The following ACKR3 variants were observed in gnomAD, a reference collection of about 807,000 sequenced individuals.
ACKR3 encodes C-X-C chemokine receptor type 7.
In ACKR3, 6 loss-of-function variants were observed where a neutral mutation model predicts 22.4. The ratio of observed to expected loss-of-function variants is 0.27; its 90% CI spans 0.15 to 0.53. The LOEUF (loss-of-function observed/expected upper bound fraction) is 0.53. Among genes scored for constraint, ACKR3 ranks in the 20% least tolerant of loss-of-function variants. The pLI is 0.96. For missense variants in ACKR3, 396 were observed against 475.2 expected (o/e 0.83, Z 1.55); for synonymous variants, 209 against 205.2 (o/e 1.02, Z -0.16).
At chr2:236,575,151 T>C (rs1251093722) in intron 1 of ACKR3, among the ~76,000 whole-genome samples, 2 of 152,122 alleles carry the variant, frequency 1.3e-5, no homozygotes, top group African/African-American at 4.8e-5. Flanking sequence ...GATTGTTCTG[T>C]GGACCATTCC....
Position 236,581,765 on chromosome 2 carries a change from A to C in ACKR3, c.*211A>C, listed in dbSNP as rs1011467622. On this transcript the variant is annotated 3_prime_UTR_variant, in exon 2 of 2. Coordinates refer to ENST00000272928, the MANE Select transcript of ACKR3 (RefSeq NM_020311.3). This position sits in a 1 kb window ranked among gnomAD's most constrained non-coding sequence, Gnocchi z 4.4. The stretch of plus-strand genomic sequence containing the variant: ...GTGCTGACAGTTTTGCAACAGGCAG[A>C]GCTGTGTCGCACAGCAGTGCTGTGC... 1.6e-6 allele frequency: 1 copy of C among 606,516 alleles called. No homozygotes were observed. Among genetic ancestry groups the C allele is most frequent in the Non-Finnish European group, 2.8e-6 (1 of 353,942 alleles). The allele number at this position is 606,516 out of a possible 1,614,324, so 37.6% of individuals were successfully genotyped here.
chr2:236,562,692 G>A, the ACKR3 span, among the ~76,000 whole-genome samples: 1 of 151,796 alleles, frequency 6.6e-6, no homozygotes, highest in East Asian at 1.9e-4. Context: ...GAAATTAAGC[G>A]TCAGCATTTA....
At chr2:236,552,751 GA>G in the ACKR3 span, among the ~76,000 whole-genome samples, 1 of 152,130 alleles carries the variant, frequency 6.6e-6, no homozygotes, top group Admixed American at 6.5e-5. Flanking sequence ...TGTAGCCACT[GA>G]AGGGACAAGG....
the ACKR3 span, among the ~76,000 whole-genome samples, chr2:236,557,172 G>A: frequency 1.3e-5 from 2 of 152,096 alleles, 1 homozygote; most frequent in African/African-American, 4.8e-5. Flanking sequence ...AATGAATTTT[G>A]TATAATGGAT....
Position 236,577,237 on chromosome 2 carries a change from C to T in ACKR3, c.-26-3203C>T, listed in dbSNP as rs1194280036. ...CAGCCCTTGGGCAGCAACAGCCATG[C>T]CCTTGTTGGAAGTTTCCCACTGTGC... On this transcript the variant is annotated intron_variant, in intron 1 of 1. Coordinates refer to ENST00000272928, the MANE Select transcript of ACKR3 (RefSeq NM_020311.3). The surrounding 1 kb of genome is among the most constrained non-coding windows in gnomAD (Gnocchi z 5.6). Among the ~76,000 whole-genome samples, 1 of 152,202 alleles carries T rather than the reference C, an allele frequency of 6.6e-6. No individual in the cohort carries two copies. The highest frequency in any genetic ancestry group is 2.4e-5 in the African/African-American group (1 of 41,448).
the ACKR3 span, among the ~76,000 whole-genome samples, chr2:236,542,594 G>C: frequency 6.6e-6 from 1 of 152,130 alleles, no homozygotes; most frequent in South Asian, 2.1e-4. Context: ...TCCAGGAGAC[G>C]GCGTGGCCAG....
Position 236,577,376 on chromosome 2 carries a change from G to A in ACKR3, c.-26-3064G>A, listed in dbSNP as rs986321852. The stretch of plus-strand genomic sequence containing the variant: ...CCAATGGTCCCTAAATCAAATTTTC[G>A]TCACCCAAAGAGGCAAAGGTAGAAA... On this transcript the variant is annotated intron_variant, in intron 1 of 1. Coordinates refer to ENST00000272928, the MANE Select transcript of ACKR3 (RefSeq NM_020311.3). This position sits in a 1 kb window ranked among gnomAD's most constrained non-coding sequence, Gnocchi z 5.6. Among the ~76,000 whole-genome samples the A allele has an allele frequency of 5.9e-5, 9 of 152,268 alleles. No individual in the cohort carries two copies. Among genetic ancestry groups the A allele is most frequent in the South Asian group, 2.1e-4 (1 of 4,812 alleles).
chr2:236,551,320 G>A, the ACKR3 span, among the ~76,000 whole-genome samples: 2 of 152,188 alleles, frequency 1.3e-5, no homozygotes, highest in Non-Finnish European at 2.9e-5. Context: ...TCAAGCCTCA[G>A]GAGACCCCAC....
At chr2:236,537,252 G>A in the ACKR3 span, among the ~76,000 whole-genome samples, 3 of 152,240 alleles carry the variant, frequency 2.0e-5, no homozygotes, top group Non-Finnish European at 2.9e-5. Flanking sequence ...TGCTGACAGG[G>A]AGAATGGAGG....
At chr2:236,549,140 G>T in the ACKR3 span, among the ~76,000 whole-genome samples, 1 of 152,134 alleles carries the variant, frequency 6.6e-6, no homozygotes, top group Non-Finnish European at 1.5e-5. The surrounding 1 kb of genome is among the most constrained non-coding windows in gnomAD (Gnocchi z 5.3). Context: ...ACAAATTTGA[G>T]CAGAGACACT....
At chr2:236,569,958 C>T (rs950993587) in intron 1 of ACKR3, 34 bp downstream of exon 1, 1 of 152,340 alleles carries the variant, frequency 6.6e-6, no homozygotes, top group Non-Finnish European at 1.5e-5. Context: ...CAGCTCTGCT[C>T]GGAAAGAAGG....
At chr2:236,573,431 C>T (rs1691349333) in intron 1 of ACKR3, among the ~76,000 whole-genome samples, 1 of 152,208 alleles carries the variant, frequency 6.6e-6, no homozygotes, top group Admixed American at 6.5e-5. Flanking sequence ...GCACCATAAC[C>T]CAGTCTCTTC....
At chr2:236,552,902 A>C in the ACKR3 span, among the ~76,000 whole-genome samples, 1 of 152,198 alleles carries the variant, frequency 6.6e-6, no homozygotes, top group African/African-American at 2.4e-5. Flanking sequence ...TCATGTTAGC[A>C]AAGTGTTTGA....
At chr2:236,570,670 C>T (rs886969385) in intron 1 of ACKR3, among the ~76,000 whole-genome samples, 1 of 152,198 alleles carries the variant, frequency 6.6e-6, no homozygotes, top group Non-Finnish European at 1.5e-5. Context: ...TTTAAATATA[C>T]TCTTCAGGTA....
intron 1 of ACKR3, among the ~76,000 whole-genome samples, chr2:236,571,367 G>A (rs530235177): frequency 6.6e-6 from 1 of 152,236 alleles, no homozygotes; most frequent in South Asian, 2.1e-4. Context: ...GGATGGGGGT[G>A]GGAAAGCGAA....
chr2:236,576,920 G>A (rs967761035), intron 1 of ACKR3, among the ~76,000 whole-genome samples: 1 of 152,218 alleles, frequency 6.6e-6, no homozygotes, highest in African/African-American at 2.4e-5. Context: ...TGAATTTGCA[G>A]AGGACTTGAT....
chr2:236,565,530 T>G (rs1321311918), upstream of ACKR3, among the ~76,000 whole-genome samples: 1 of 152,228 alleles, frequency 6.6e-6, no homozygotes, highest in Non-Finnish European at 1.5e-5. Context: ...TCCATATAAT[T>G]TAGTGGCTTC....
At position 236,580,588 on chromosome 2, in the gene ACKR3, C is replaced by G. The variant is rs778618630; in HGVS notation, c.123C>G (p.Ser41Arg). 6.2e-7 allele frequency: 1 copy of G among 1,613,924 alleles called. No individual in the cohort carries two copies. The highest frequency in any genetic ancestry group is 2.2e-5 in the East Asian group (1 of 44,898). Residue 41 changes from serine to arginine, a missense_variant, in exon 2 of 2, where the codon AGC becomes AGG. By Grantham distance (110) the Ser-to-Arg change is moderately radical. Transcript: ENST00000272928. ...TGTGTCCCAACATGCCCAACAAAAGCGTCCTGCTCTACACGCTCTCCTTCA... is the reference window on the plus strand; with the variant it reads ...TGTGTCCCAACATGCCCAACAAAAGGGTCCTGCTCTACACGCTCTCCTTCA... ...TVMCPNMPNK[S>R]VLLYTLSFIY...
intron 1 of ACKR3, among the ~76,000 whole-genome samples, chr2:236,570,362 G>C (rs1197497163): frequency 6.6e-6 from 1 of 152,174 alleles, no homozygotes; most frequent in Admixed American, 6.5e-5. Flanking sequence ...GATAAAATTG[G>C]CAGTAAATAC....
Sources: allele counts gnomAD v4.1 joint callset (sites outside exome capture counted in the v4.1 genomes callset), GRCh38; gene constraint gnomAD v4.1.1; non-coding constraint Gnocchi (gnomAD v3.1); transcripts MANE v1.5; gene names NCBI Gene and HGNC (gene_info 2026-07-23, HGNC 2026-07-21).